The following SGCD variants were observed in gnomAD, a reference collection of about 807,000 sequenced individuals.
The protein encoded by SGCD is delta-sarcoglycan.
A neutral mutation model predicts 36.6 loss-of-function variants in SGCD; 18 were observed. The observed-to-expected ratio is 0.49, with a 90% CI of 0.34 to 0.73. The LOEUF (loss-of-function observed/expected upper bound fraction) is 0.73. SGCD is among the 30% of genes least tolerant of loss of function. The pLI is 0.01. For missense variants in SGCD, 387 were observed against 346.7 expected, an observed-to-expected ratio of 1.12 and a Z score of -0.92; for synonymous variants, 133 against 130.6, an observed-to-expected ratio of 1.02 and a Z score of -0.12.
At chr5:155,866,991 G>A (rs954732436), upstream of SGCD, among the ~76,000 whole-genome samples, 17 of 152,076 alleles carry the variant, frequency 1.1e-4, no homozygotes, top group Non-Finnish European at 2.4e-4. Flanking sequence ...ATGATTTATG[G>A]GGCAAATAAA....
At chr5:155,897,342 G>A (rs561628411) in intron 1 of SGCD, among the ~76,000 whole-genome samples, 1 of 152,146 alleles carries the variant, frequency 6.6e-6, no homozygotes, top group South Asian at 2.1e-4. Flanking sequence ...ACCATGAATG[G>A]AGCTTGCAGA....
chr5:156,368,760 A>G (rs188663885), intron 3 of SGCD, among the ~76,000 whole-genome samples: 1 of 152,316 alleles, frequency 6.6e-6, no homozygotes, highest in Non-Finnish European at 1.5e-5. Context: ...TCCTTATGAG[A>G]ATCTAATGCC....
intron 4 of SGCD, among the ~76,000 whole-genome samples, chr5:156,561,951 G>T (rs1402533520): frequency 6.6e-6 from 1 of 152,102 alleles, no homozygotes; most frequent in African/African-American, 2.4e-5. Context: ...GATTAAATAA[G>T]AGAACTCATG....
chr5:156,123,352 T>A (rs142757368), intron 2 of SGCD, among the ~76,000 whole-genome samples: 31 of 152,202 alleles, frequency 2.0e-4, no homozygotes, highest in African/African-American at 7.5e-4. Context: ...GTTGAAAAGA[T>A]GCAATAGAGG....
At chr5:156,579,832 A>T (rs1402942491) in intron 4 of SGCD, among the ~76,000 whole-genome samples, 1 of 152,130 alleles carries the variant, frequency 6.6e-6, no homozygotes, top group East Asian at 1.9e-4. Flanking sequence ...GGGTCTCCTG[A>T]ATACAGCACA....
chr5:156,318,797 CGTTGGCCAGGCTG>C (rs1390467210), intron 3 of SGCD, among the ~76,000 whole-genome samples: 1 of 151,974 alleles, frequency 6.6e-6, no homozygotes, highest in Non-Finnish European at 1.5e-5. Context: ...GGTTTCACCA[CGTTGGCCAGGCTG>C]GTCTCGAACT....
At chr5:156,103,678 T>C (rs927921990) in intron 1 of SGCD, among the ~76,000 whole-genome samples, 1 of 152,126 alleles carries the variant, frequency 6.6e-6, no homozygotes, top group Admixed American at 6.6e-5. Flanking sequence ...TAATGAATCA[T>C]ATATGAAGTG....
chr5:156,246,211 T>C (rs1355470233), intron 3 of SGCD, among the ~76,000 whole-genome samples: 1 of 152,218 alleles, frequency 6.6e-6, no homozygotes, highest in Admixed American at 6.5e-5. Context: ...TCACGCTTAA[T>C]GTTTCTGTGA....
chr5:156,607,855 G>A (rs190966483), intron 6 of SGCD, among the ~76,000 whole-genome samples: 2 of 152,268 alleles, frequency 1.3e-5, no homozygotes, highest in East Asian at 3.9e-4. Flanking sequence ...ATTATTCTCT[G>A]ATGGTAGTTT....
intron 7 of SGCD, among the ~76,000 whole-genome samples, chr5:156,695,511 GGATAGATAGATA>G (rs56315334): frequency 0.26 from 36,820 of 139,334 alleles, 4,933 homozygotes; most frequent in South Asian, 0.35. Flanking sequence ...ATAGATAGAT[GGATAGATAGATA>G]GATAGATAGA....
chr5:156,280,287 G>T (rs1211959600), intron 3 of SGCD, among the ~76,000 whole-genome samples: 4 of 152,032 alleles, frequency 2.6e-5, no homozygotes, highest in Non-Finnish European at 5.9e-5. Flanking sequence ...TGTATTAATA[G>T]GTATCCAATG....
chr5:156,174,254 G>A (rs1209686812), intron 3 of SGCD, among the ~76,000 whole-genome samples: 2 of 152,202 alleles, frequency 1.3e-5, no homozygotes, highest in East Asian at 1.9e-4. Flanking sequence ...GTCGGTAGAG[G>A]GGAGAGGCTT....
chr5:155,737,940 G>A, the SGCD span, among the ~76,000 whole-genome samples: 35,714 of 152,048 alleles, frequency 0.23, 5,237 homozygotes, highest in East Asian at 0.38. Context: ...ATGGTGTTGA[G>A]GGCCCTCTGG....
intron 3 of SGCD, among the ~76,000 whole-genome samples, chr5:156,375,264 C>T (rs1770598953): frequency 6.6e-6 from 1 of 152,094 alleles, no homozygotes; most frequent in Non-Finnish European, 1.5e-5. Context: ...TTCCTAAGAA[C>T]AGTAATGTTC....
chr5:156,244,893 C>G (rs1765403209), intron 3 of SGCD, among the ~76,000 whole-genome samples: 1 of 152,208 alleles, frequency 6.6e-6, no homozygotes, highest in Non-Finnish European at 1.5e-5. Flanking sequence ...AATCTTGTTT[C>G]ATTGAAACCT....
intron 3 of SGCD, among the ~76,000 whole-genome samples, chr5:156,313,729 G>A (rs1767446605): frequency 6.6e-6 from 1 of 152,004 alleles, no homozygotes; most frequent in Non-Finnish European, 1.5e-5. Context: ...AGGGTACTAG[G>A]ATCATAGTCT....
intron 4 of SGCD, among the ~76,000 whole-genome samples, chr5:156,520,989 C>T (rs908947141): frequency 7.1e-6 from 1 of 140,684 alleles, no homozygotes; most frequent in Non-Finnish European, 1.5e-5. Flanking sequence ...TGCACACCAG[C>T]CTGAGTGACA....
At chr5:156,693,982 C>G (rs281058) in intron 7 of SGCD, among the ~76,000 whole-genome samples, 139,351 of 152,120 alleles carry the variant, frequency 0.92, 63,996 homozygotes, top group East Asian at 0.99. Flanking sequence ...CACAGGCTGA[C>G]AGTCAGGTGC....
At chr5:155,919,360 A>G (rs1381017504) in intron 1 of SGCD, among the ~76,000 whole-genome samples, 1 of 152,234 alleles carries the variant, frequency 6.6e-6, no homozygotes, top group Non-Finnish European at 1.5e-5. Flanking sequence ...ATAATGCAAC[A>G]GGCAGGGCCA....
Sources: allele counts gnomAD v4.1 joint callset (sites outside exome capture counted in the v4.1 genomes callset), GRCh38; gene constraint gnomAD v4.1.1; transcripts MANE v1.5; gene names NCBI Gene and HGNC (gene_info 2026-07-23, HGNC 2026-07-21).